Variants in SCHIP1 observed in about 807,000 individuals in gnomAD.
The protein encoded by SCHIP1 is schwannomin interacting protein 1.
SCHIP1 carries 8 observed loss-of-function variants against 29.7 expected under a neutral mutation model. That is an observed-to-expected ratio of 0.27 (90% confidence interval 0.16 to 0.49). The LOEUF (loss-of-function observed/expected upper bound fraction) is 0.49, where lower values mean the gene tolerates loss of function less well. Among genes scored for constraint, SCHIP1 ranks in the 20% least tolerant of loss-of-function variants. The probability of loss-of-function intolerance (pLI) is 0.99; values close to 1 mark genes in which losing one functional copy is unlikely to be tolerated. For synonymous variants in SCHIP1, 76 were observed against 94.9 expected (o/e 0.80, Z 1.16); for missense variants, 193 against 294.6 (o/e 0.66, Z 2.52).
the SCHIP1 span, among the ~76,000 whole-genome samples, chr3:159,448,721 T>C: frequency 1.3e-5 from 2 of 152,186 alleles, no homozygotes; most frequent in African/African-American, 4.8e-5. Flanking sequence ...GATTGTGTCA[T>C]CCCTGTGCTA....
chr3:159,586,253 A>T, the SCHIP1 span, among the ~76,000 whole-genome samples: 3 of 152,154 alleles, frequency 2.0e-5, no homozygotes, highest in African/African-American at 7.2e-5. Flanking sequence ...TCCCCAAAAG[A>T]TAAAGAGCAG....
the SCHIP1 span, among the ~76,000 whole-genome samples, chr3:159,294,948 G>T: frequency 6.6e-6 from 1 of 151,948 alleles, no homozygotes; most frequent in Non-Finnish European, 1.5e-5. Context: ...ATCATTACCC[G>T]AAAGGGAAAG....
the SCHIP1 span, among the ~76,000 whole-genome samples, chr3:159,471,360 G>A: frequency 6.6e-6 from 1 of 152,104 alleles, no homozygotes; most frequent in African/African-American, 2.4e-5. Context: ...TAACCAAAAT[G>A]AGGAAGAGAA....
chr3:159,539,196 A>G, the SCHIP1 span, among the ~76,000 whole-genome samples: 17,822 of 152,088 alleles, frequency 0.12, 1,070 homozygotes, highest in South Asian at 0.13. Flanking sequence ...CACTCTAAAG[A>G]GATCTTTTTT....
chr3:159,493,871 A>T, the SCHIP1 span, among the ~76,000 whole-genome samples: 1 of 152,114 alleles, frequency 6.6e-6, no homozygotes, highest in African/African-American at 2.4e-5. Flanking sequence ...TCCTCAGCAA[A>T]TGTAAAAGAA....
the SCHIP1 span, among the ~76,000 whole-genome samples, chr3:159,691,299 T>A: frequency 2.2e-4 from 33 of 152,330 alleles, no homozygotes; most frequent in East Asian, 6.4e-3. Flanking sequence ...ATATTTAGGA[T>A]AGTTAGCTCT....
At chr3:159,832,303 A>C in the SCHIP1 span, among the ~76,000 whole-genome samples, 4 of 152,156 alleles carry the variant, frequency 2.6e-5, no homozygotes, top group African/African-American at 9.7e-5. Context: ...CCCAAGACTG[A>C]ATGAATGCCT....
chr3:159,457,988 T>C, the SCHIP1 span, among the ~76,000 whole-genome samples: 1 of 152,166 alleles, frequency 6.6e-6, no homozygotes, highest in Admixed American at 6.6e-5. Context: ...TTAAAGAATG[T>C]TGGCAAAAAT....
the SCHIP1 span, among the ~76,000 whole-genome samples, chr3:159,634,625 C>G: frequency 6.6e-6 from 1 of 152,194 alleles, no homozygotes; most frequent in Non-Finnish European, 1.5e-5. Flanking sequence ...TCACTCTTGT[C>G]TAGACCACAA....
At chr3:159,885,685 C>G (rs1716893985) in intron 2 of SCHIP1, among the ~76,000 whole-genome samples, 1 of 152,124 alleles carries the variant, frequency 6.6e-6, no homozygotes, top group Non-Finnish European at 1.5e-5. Context: ...AATGAGCTCC[C>G]TTGGTTGGCT....
the SCHIP1 span, among the ~76,000 whole-genome samples, chr3:159,350,068 C>A: frequency 1.3e-5 from 2 of 152,110 alleles, no homozygotes; most frequent in Non-Finnish European, 2.9e-5. Context: ...TGAAAATCCA[C>A]AGGAATGCTG....
At chr3:159,700,383 A>G in the SCHIP1 span, among the ~76,000 whole-genome samples, 1 of 152,252 alleles carries the variant, frequency 6.6e-6, no homozygotes, top group Non-Finnish European at 1.5e-5. Context: ...AATAAAATAC[A>G]CTTAATAAAT....
chr3:159,309,969 G>T, the SCHIP1 span, among the ~76,000 whole-genome samples: 1 of 152,148 alleles, frequency 6.6e-6, no homozygotes, highest in African/African-American at 2.4e-5. Context: ...AAGACTCAAA[G>T]ATATTTTTAG....
At chr3:159,681,292 A>G in the SCHIP1 span, among the ~76,000 whole-genome samples, 11 of 147,410 alleles carry the variant, frequency 7.5e-5, no homozygotes, top group African/African-American at 2.7e-4. Flanking sequence ...GAAATGGGGA[A>G]AAAAAAAAAA....
the SCHIP1 span, among the ~76,000 whole-genome samples, chr3:159,356,559 A>G: frequency 6.6e-6 from 1 of 152,198 alleles, no homozygotes; most frequent in African/African-American, 2.4e-5. Context: ...CCATTTTAGT[A>G]TGGAAGAAAA....
the SCHIP1 span, among the ~76,000 whole-genome samples, chr3:159,630,937 G>T: frequency 6.6e-6 from 1 of 152,094 alleles, no homozygotes; most frequent in East Asian, 1.9e-4. Flanking sequence ...CAAACCTCCT[G>T]ATTTGGGTAG....
chr3:159,833,088 A>C, the SCHIP1 span, among the ~76,000 whole-genome samples: 12,419 of 152,220 alleles, frequency 0.082, 1,617 homozygotes, highest in African/African-American at 0.28. Context: ...AATGTATACC[A>C]CATGGATAAG....
the SCHIP1 span, among the ~76,000 whole-genome samples, chr3:159,296,784 A>C: frequency 1.3e-5 from 2 of 152,252 alleles, no homozygotes; most frequent in East Asian, 1.9e-4. Context: ...AAAAAGAAAA[A>C]AAAAAAATCT....
intron 1 of SCHIP1, chr3:159,845,622 T>C (rs1480270496): frequency 6.6e-6 from 1 of 152,214 alleles, no homozygotes; most frequent in Non-Finnish European, 1.5e-5. Context: ...CCTTAGGTGA[T>C]CTGCCCACCT....
Sources: allele counts gnomAD v4.1 joint callset (sites outside exome capture counted in the v4.1 genomes callset), GRCh38; gene constraint gnomAD v4.1.1; transcripts MANE v1.5; gene names NCBI Gene and HGNC (gene_info 2026-07-23, HGNC 2026-07-21).